Variants in CLUAP1 observed in about 807,000 individuals in gnomAD.
CLUAP1 encodes the protein clusterin-associated protein 1.
In CLUAP1, 50 loss-of-function variants were observed where a neutral mutation model predicts 55.0. The observed-to-expected ratio is 0.91, with a 90% CI of 0.72 to 1.15. CLUAP1 has a LOEUF of 1.15. Among genes scored for constraint, CLUAP1 ranks in the 50% most tolerant of loss-of-function variants. The pLI is 0.00. For missense variants in CLUAP1, 530 were observed against 507.6 expected, an observed-to-expected ratio of 1.04 and a Z score of -0.42; for synonymous variants, 195 against 175.4, an observed-to-expected ratio of 1.11 and a Z score of -0.88.
intron 9 of CLUAP1, among the ~76,000 whole-genome samples, chr16:3,526,711 C>G (rs1011473978): frequency 1.3e-5 from 2 of 151,820 alleles, no homozygotes; most frequent in African/African-American, 2.4e-5. Flanking sequence ...AGGCGGTTTT[C>G]TCACAACTTC....
intron 5 of CLUAP1, among the ~76,000 whole-genome samples, chr16:3,512,824 G>A (rs2037656917): frequency 1.3e-5 from 2 of 152,260 alleles, no homozygotes; most frequent in South Asian, 4.1e-4. Context: ...GGGACTACAG[G>A]TGCCTGCCAC....
In CLUAP1 at chr16:3,530,572, C is replaced by A. The variant is rs750353977; in HGVS notation, c.933C>A (p.Asn311Lys). Residue 311 changes from asparagine to lysine, a missense_variant, in exon 10 of 12, where the codon AAC becomes AAA. Transcript: ENST00000576634. ...GCCTGCTTGTGTTCCTGCTAGGTAA[C>A]GATGACTCGGACATAGACATCCAGG... ...EEKRLLKSGSNDDSDIDIQED... is the reference protein window; with the variant it reads ...EEKRLLKSGSKDDSDIDIQED... 1 of 1,613,216 alleles carries A rather than the reference C, an allele frequency of 6.2e-7. No individual in the cohort carries two copies. Among genetic ancestry groups the A allele is most frequent in the Non-Finnish European group, 8.5e-7 (1 of 1,179,358 alleles).
intron 1 of CLUAP1, among the ~76,000 whole-genome samples, chr16:3,503,774 T>A (rs1420011875): frequency 1.3e-5 from 2 of 152,180 alleles, no homozygotes; most frequent in Non-Finnish European, 2.9e-5. Context: ...TTTTAATCTC[T>A]GTATTCACAT....
At chr16:3,499,760 A>G (rs536868245), upstream of CLUAP1, among the ~76,000 whole-genome samples, 4 of 152,250 alleles carry the variant, frequency 2.6e-5, no homozygotes, top group Non-Finnish European at 5.9e-5. Context: ...ACGTGAAGCA[A>G]CATTTATGGG....
At chr16:3,536,082 GGCAGGATCCCCCGTT>G in intron 11 of CLUAP1, 25 bp from the exon 12 acceptor site, 1 of 1,606,768 alleles carries the variant, frequency 6.2e-7, no homozygotes, top group East Asian at 2.2e-5. Context: ...TCAGGAATGA[GGCAGGATCCCCCGTT>G]GCATCTGCCA....
chr16:3,529,833 TAATA>T lies in CLUAP1; in HGVS notation c.929-734_929-731del, dbSNP rs2038075610. Among the ~76,000 whole-genome samples, 14 of 40,952 alleles carry T rather than the reference TAATA, an allele frequency of 3.4e-4. 3 individuals carry two copies. Among genetic ancestry groups the T allele is most frequent in the African/African-American group, 1.7e-3 (14 of 8,416 alleles). The allele number at this position is 40,952 out of a possible 152,430, so 26.9% of individuals were successfully genotyped here. ...ATATATTATAATATAATATATTATA[TAATA>T]TATTATATAATATATATTTTATAAT... On this transcript the variant is annotated intron_variant, in intron 9 of 11. Transcript: ENST00000576634.
intron 4 of CLUAP1, 84 bp from the exon 5 acceptor site, chr16:3,512,299 C>A: frequency 9.9e-7 from 1 of 1,005,486 alleles, no homozygotes; most frequent in Non-Finnish European, 1.6e-6. Context: ...AGTTAGAGAG[C>A]AGCCTGGGTA....
rs1285094903 is a variant in CLUAP1, at chr16:3,529,800, T to A, written c.929-768T>A. On this transcript the variant is annotated intron_variant, in intron 9 of 11. Coordinates refer to ENST00000576634, the MANE Select transcript of CLUAP1 (RefSeq NM_015041.3). ...ATATATTATATAATATATATTATATTATTATATATATATTATAATATAATA... is the reference window on the plus strand; with the variant it reads ...ATATATTATATAATATATATTATATAATTATATATATATTATAATATAATA... 7.4e-4 allele frequency among the ~76,000 whole-genome samples: 18 copies of A among 24,244 alleles called. 1 individual carries two copies. The East Asian group carries it at 0.019, about 26-fold the overall frequency. The allele number at this position is 24,244 out of a possible 152,430, so 15.9% of individuals were successfully genotyped here. A position where few individuals can be genotyped will look rare whatever the true frequency, so the allele number is the denominator to read the frequency against.
chr16:3,508,540 G>C lies in CLUAP1; in HGVS notation c.399+72G>C, dbSNP rs955993801. Reference sequence around the variant, plus strand: ...TTGAGCTCTGAAGTGGAAGGAGTCTGCTACAGCTCCGCTGCTTTTCTTCCT... The same window carrying C: ...TTGAGCTCTGAAGTGGAAGGAGTCTCCTACAGCTCCGCTGCTTTTCTTCCT... On this transcript the variant is annotated intron_variant, in intron 4 of 11. Coordinates refer to ENST00000576634, the MANE Select transcript of CLUAP1 (RefSeq NM_015041.3). 106 of 1,341,994 alleles carry C rather than the reference G, an allele frequency of 7.9e-5. No homozygotes were observed. In the South Asian group the frequency reaches 1.1e-3, roughly 14 times the overall value. 83.1% of individuals were successfully genotyped at this position (1,341,994 alleles called of 1,614,324 possible). A position where few individuals can be genotyped will look rare whatever the true frequency, so the allele number is the denominator to read the frequency against.
intron 8 of CLUAP1, among the ~76,000 whole-genome samples, chr16:3,524,996 C>T (rs2037913966): frequency 6.6e-6 from 1 of 152,174 alleles, no homozygotes; most frequent in African/African-American, 2.4e-5. Flanking sequence ...TTATGCTAGG[C>T]TTCTTACAAT....
At chr16:3,517,656 A>G (rs1269220009) in intron 6 of CLUAP1, among the ~76,000 whole-genome samples, 2 of 152,164 alleles carry the variant, frequency 1.3e-5, no homozygotes, top group African/African-American at 4.8e-5. Context: ...GTCACTTCTC[A>G]GGGAGAAGCC....
chr16:3,505,740 G>A (rs537360178), intron 2 of CLUAP1, among the ~76,000 whole-genome samples: 3 of 152,198 alleles, frequency 2.0e-5, no homozygotes, highest in Non-Finnish European at 4.4e-5. Flanking sequence ...TAGAAATAAT[G>A]GAGATTTCTT....
chr16:3,505,980 C>G (rs1461724485), intron 2 of CLUAP1, among the ~76,000 whole-genome samples: 1 of 152,218 alleles, frequency 6.6e-6, no homozygotes, highest in Non-Finnish European at 1.5e-5. Context: ...ACTTCACCAA[C>G]TCTGCTGCTG....
Position 3,536,375 on chromosome 16 carries a change from C to A in CLUAP1, c.*104C>A, listed in dbSNP as rs1197511786. 4.8e-6 allele frequency: 6 copies of A among 1,248,982 alleles called. No homozygotes were observed. The East Asian group carries it at 9.4e-5, about 20-fold the overall frequency. The allele number at this position is 1,248,982 out of a possible 1,614,324, so 77.4% of individuals were successfully genotyped here. A position where few individuals can be genotyped will look rare whatever the true frequency, so the allele number is the denominator to read the frequency against. ...ACCCCTGTTTTGTTTACTAAGCTGGCTGGACTCATGATCACTGAAGCAATA... is the reference window on the plus strand; with the variant it reads ...ACCCCTGTTTTGTTTACTAAGCTGGATGGACTCATGATCACTGAAGCAATA... On this transcript the variant is annotated 3_prime_UTR_variant, in exon 12 of 12. Transcript: ENST00000576634.
intron 10 of CLUAP1, among the ~76,000 whole-genome samples, chr16:3,531,452 G>A (rs1421840081): frequency 6.6e-6 from 1 of 152,070 alleles, no homozygotes; most frequent in South Asian, 2.1e-4. Flanking sequence ...AACCCAGGAG[G>A]CGGAGCTTGC....
At chr16:3,500,895 C>A (rs1301765005), upstream of CLUAP1, 3 of 682,936 alleles carry the variant, frequency 4.4e-6, no homozygotes, top group African/African-American at 1.8e-5. Context: ...TCTGCCGGCC[C>A]GCTCTCCCCG....
chr16:3,519,989 A>G lies in CLUAP1; in HGVS notation c.666A>G (p.Leu222=), dbSNP rs774814022. 6.2e-7 allele frequency: 1 copy of G among 1,613,820 alleles called. No homozygotes were observed. The highest frequency in any genetic ancestry group is 1.1e-5 in the South Asian group (1 of 90,964). The change falls in exon 7 of 12, where the codon TTA becomes TTG. Residue 222 remains leucine, a synonymous_variant. Transcript: ENST00000576634. ...AAGCCAAAATCGAAAAGAGAAAATTAGAACTGGAAAGAAATCGGAAGCGAC... is the reference window on the plus strand; with the variant it reads ...AAGCCAAAATCGAAAAGAGAAAATTGGAACTGGAAAGAAATCGGAAGCGAC... ...NLEAKIEKRK[L]ELERNRKRLE...
At chr16:3,513,299 G>C (rs952080716) in intron 5 of CLUAP1, among the ~76,000 whole-genome samples, 4 of 152,140 alleles carry the variant, frequency 2.6e-5, no homozygotes, top group Non-Finnish European at 4.4e-5. Context: ...AGCAATCTTG[G>C]CATCACTTCC....
chr16:3,502,142 G>A (rs1022587861), intron 1 of CLUAP1: 3 of 152,512 alleles, frequency 2.0e-5, no homozygotes, highest in Admixed American at 6.6e-5. Context: ...GGAAGAACGA[G>A]GCTAAGAGTG....
Sources: gnomAD v4.1 joint callset for allele counts (sites outside exome capture counted in the v4.1 genomes callset) on GRCh38, gnomAD v4.1.1 for gene constraint, MANE v1.5 for transcripts, NCBI Gene and HGNC (gene_info 2026-07-23, HGNC 2026-07-21) for gene names.